Variants in SNX10 observed in about 807,000 individuals in gnomAD.
The protein encoded by SNX10 is sorting nexin-10.
In SNX10, 25 loss-of-function variants were observed where a neutral mutation model predicts 28.5. That is an observed-to-expected ratio of 0.88 (90% confidence interval 0.64 to 1.22). The LOEUF is 1.22. Ranked by LOEUF, SNX10 falls within the 50% of genes most tolerant of loss-of-function variation. The pLI is 0.00. For synonymous variants in SNX10, 62 were observed against 81.4 expected (o/e 0.76, Z 1.28); for missense variants, 223 against 242.6 (o/e 0.92, Z 0.54).
At chr7:26,332,169 G>A (rs975498483) in intron 1 of SNX10, among the ~76,000 whole-genome samples, 3 of 152,132 alleles carry the variant, frequency 2.0e-5, no homozygotes, top group Non-Finnish European at 2.9e-5. Flanking sequence ...CAGACTTTTC[G>A]CAAGGGGCTG....
intron 1 of SNX10, among the ~76,000 whole-genome samples, chr7:26,315,626 C>T (rs1787054120): frequency 1.3e-5 from 2 of 151,694 alleles, no homozygotes; most frequent in Non-Finnish European, 2.9e-5. Context: ...TGAGGTTTCG[C>T]CACTGCACTT....
At chr7:26,301,019 C>CAA (rs1170123330) in intron 1 of SNX10, among the ~76,000 whole-genome samples, 361 of 9,942 alleles carry the variant, frequency 0.036, 15 homozygotes, top group African/African-American at 0.064. Context: ...ACTCTGTCTC[C>CAA]AAAAAAAAAA....
At chr7:26,357,717 A>C (rs1343552716) in intron 2 of SNX10, among the ~76,000 whole-genome samples, 2 of 152,124 alleles carry the variant, frequency 1.3e-5, no homozygotes, top group Non-Finnish European at 2.9e-5. Flanking sequence ...AAGGAGAATG[A>C]CTATGAAGGA....
intron 2 of SNX10, among the ~76,000 whole-genome samples, chr7:26,356,781 T>C (rs1204639273): frequency 6.6e-6 from 1 of 152,176 alleles, no homozygotes. Flanking sequence ...TTTAGGGTGC[T>C]AGAAAACAGT....
At chr7:26,301,620 G>C (rs527977529) in intron 1 of SNX10, among the ~76,000 whole-genome samples, 1 of 152,260 alleles carries the variant, frequency 6.6e-6, no homozygotes, top group South Asian at 2.1e-4. Flanking sequence ...TATTTGGCAT[G>C]GCATGTTTTA....
At chr7:26,311,896 A>T (rs1041713328) in intron 1 of SNX10, among the ~76,000 whole-genome samples, 2 of 151,960 alleles carry the variant, frequency 1.3e-5, no homozygotes, top group Non-Finnish European at 2.9e-5. Context: ...TTGTTGAGAG[A>T]GGCAGTGTCG....
chr7:26,345,592 A>T (rs1257465170), intron 1 of SNX10, among the ~76,000 whole-genome samples: 3 of 152,112 alleles, frequency 2.0e-5, no homozygotes, highest in African/African-American at 7.2e-5. Flanking sequence ...CTATGGTGCC[A>T]GTGACATGAG....
At chr7:26,363,243 A>G (rs1387966539) in intron 3 of SNX10, among the ~76,000 whole-genome samples, 1 of 152,164 alleles carries the variant, frequency 6.6e-6, no homozygotes, top group Non-Finnish European at 1.5e-5. Flanking sequence ...ACCAGTGGCT[A>G]CCTTGGGGAT....
At chr7:26,358,884 C>T (rs1274971170) in intron 2 of SNX10, among the ~76,000 whole-genome samples, 1 of 135,736 alleles carries the variant, frequency 7.4e-6, no homozygotes, top group East Asian at 2.2e-4. Flanking sequence ...GATCTTGCTG[C>T]AACCTCCGCC....
At position 26,372,051 on chromosome 7, in the gene SNX10, G is replaced by C; in HGVS notation, c.524+18G>C. On this transcript the variant is annotated intron_variant, in intron 6 of 6. Transcript: ENST00000338523. Reference sequence around the variant, plus strand: ...TCAGAAAGGTATTTCCTTGCATTTTGATTTAATGTATATGTATTTATATAA... The same window carrying C: ...TCAGAAAGGTATTTCCTTGCATTTTCATTTAATGTATATGTATTTATATAA... 6.7e-7 allele frequency: 1 copy of C among 1,496,018 alleles called. No individual in the cohort carries two copies. The highest frequency in any genetic ancestry group is 9.3e-7 in the Non-Finnish European group (1 of 1,078,258). 92.7% of individuals were successfully genotyped at this position (1,496,018 alleles called of 1,614,324 possible). A position where few individuals can be genotyped will look rare whatever the true frequency, so the allele number is the denominator to read the frequency against.
intron 1 of SNX10, among the ~76,000 whole-genome samples, chr7:26,319,559 C>T (rs956016505): frequency 1.2e-4 from 19 of 152,142 alleles, no homozygotes; most frequent in African/African-American, 4.3e-4. Context: ...TGTCTATCAG[C>T]ATCTGATATC....
chr7:26,316,017 C>T (rs1787069192), intron 1 of SNX10, among the ~76,000 whole-genome samples: 1 of 151,698 alleles, frequency 6.6e-6, no homozygotes, highest in Non-Finnish European at 1.5e-5. Flanking sequence ...CCCGTCTCTA[C>T]TAAACAAAAT....
intron 1 of SNX10, among the ~76,000 whole-genome samples, chr7:26,330,678 A>G (rs891306604): frequency 6.6e-6 from 1 of 152,080 alleles, no homozygotes; most frequent in Non-Finnish European, 1.5e-5. Flanking sequence ...GCCTGGGCAG[A>G]CATTGTGGCT....
chr7:26,351,386 A>G (rs1788587632), intron 2 of SNX10, among the ~76,000 whole-genome samples: 1 of 152,192 alleles, frequency 6.6e-6, no homozygotes, highest in South Asian at 2.1e-4. Flanking sequence ...ATGGCACTTT[A>G]CCCTCTGAAA....
At chr7:26,304,728 A>G (rs1410757583) in intron 1 of SNX10, among the ~76,000 whole-genome samples, 1 of 152,114 alleles carries the variant, frequency 6.6e-6, no homozygotes, top group African/African-American at 2.4e-5. Flanking sequence ...GGGGATGGGT[A>G]CTCCCTAATT....
At chr7:26,335,778 C>T (rs12666549) in intron 1 of SNX10, among the ~76,000 whole-genome samples, 4,597 of 101,784 alleles carry the variant, frequency 0.045, 114 homozygotes, top group East Asian at 0.13. Context: ...GAGTCTCGTT[C>T]TGTCGCCCAG....
At chr7:26,341,904 TTCTC>T (rs1233818927) in intron 1 of SNX10, among the ~76,000 whole-genome samples, 2 of 151,638 alleles carry the variant, frequency 1.3e-5, no homozygotes, top group African/African-American at 4.9e-5. Flanking sequence ...CAATTTCTTT[TTCTC>T]TCTCTTTCTC....
At chr7:26,337,154 C>T (rs1787973940) in intron 1 of SNX10, among the ~76,000 whole-genome samples, 2 of 152,148 alleles carry the variant, frequency 1.3e-5, no homozygotes, top group South Asian at 4.1e-4. Context: ...AAATATGGTA[C>T]TTGTTTTTAT....
In SNX10 at chr7:26,330,245, G is replaced by T. The variant is rs375908262; in HGVS notation, c.-23-16175G>T. Among the ~76,000 whole-genome samples, 3 of 152,204 alleles carry T rather than the reference G, an allele frequency of 2.0e-5. No homozygotes were observed. In the South Asian group the frequency reaches 6.2e-4, roughly 32 times the overall value. On this transcript the variant is annotated intron_variant, in intron 1 of 6. Transcript: ENST00000338523. The stretch of plus-strand genomic sequence containing the variant: ...AAAGTGGGGAAGTCAGTGTGGAGGG[G>T]TCGGCAAAGCCACAGGCATGAGGAG...
Sources: allele counts gnomAD v4.1 joint callset (sites outside exome capture counted in the v4.1 genomes callset), GRCh38; gene constraint gnomAD v4.1.1; transcripts MANE v1.5; gene names NCBI Gene and HGNC (gene_info 2026-07-23, HGNC 2026-07-21).